MAP4K4: variants seen among roughly 807,000 people sequenced by gnomAD.
The protein encoded by MAP4K4 is HPK/GCK-like kinase HGK.
Under a neutral mutation model 189.6 loss-of-function variants are expected in MAP4K4, and 38 were observed. The observed-to-expected ratio is 0.20, with a 90% CI of 0.15 to 0.26. The LOEUF is 0.26. Ranked by LOEUF, MAP4K4 falls within the 10% of genes least tolerant of loss-of-function variation. The pLI is 1.00. For missense variants in MAP4K4, 1,054 were observed against 1,726.9 expected (o/e 0.61, Z 6.91); for synonymous variants, 610 against 624.3 (o/e 0.98, Z 0.34).
At chr2:101,698,057 GT>G (rs780774309) in exon 1 of MAP4K4, 58 of 1,314,910 alleles carry the variant, frequency 4.4e-5, no homozygotes, top group Admixed American at 8.8e-5. Context: ...ATTGTTATTT[GT>G]TTTTTGGTGG....
At chr2:101,890,761 T>C (rs2098554346) in intron 32 of MAP4K4, among the ~76,000 whole-genome samples, 2 of 151,512 alleles carry the variant, frequency 1.3e-5, no homozygotes, top group African/African-American at 4.9e-5. Flanking sequence ...AGCCTTTTTA[T>C]TTATTTATTT....
intron 21 of MAP4K4, 36 bp downstream of exon 21, chr2:101,868,073 A>T: frequency 6.2e-7 from 1 of 1,607,424 alleles, no homozygotes; most frequent in Non-Finnish European, 8.5e-7. Context: ...ACTTCAGAGC[A>T]GCACTCCGAC....
rs747932870 is a variant in MAP4K4, at chr2:101,736,642, A to G, written c.123+38104A>G. Reference sequence around the variant, plus strand: ...TCTGTCATTCAAAAATGTTATATTCAGTATATTTTTTTCTGATTGTCCTGT... The same window carrying G: ...TCTGTCATTCAAAAATGTTATATTCGGTATATTTTTTTCTGATTGTCCTGT... On this transcript the variant is annotated intron_variant, in intron 2 of 32. Coordinates refer to ENST00000324219, the Ensembl canonical transcript of MAP4K4. 3.5e-4 allele frequency among the ~76,000 whole-genome samples: 54 copies of G among 152,154 alleles called. 1 individual carries two copies. The highest frequency in any genetic ancestry group is 1.4e-3 in the Admixed American group (21 of 15,276).
chr2:101,879,195 CAAAAAAAAAA>C (rs61482872), intron 27 of MAP4K4, among the ~76,000 whole-genome samples: 3 of 67,414 alleles, frequency 4.5e-5, no homozygotes, highest in Non-Finnish European at 5.3e-5. Flanking sequence ...AGCCTGTCTC[CAAAAAAAAAA>C]AAAAAAAAAA....
At chr2:101,818,624 T>C (rs1268201853) in intron 3 of MAP4K4, among the ~76,000 whole-genome samples, 1 of 152,198 alleles carries the variant, frequency 6.6e-6, no homozygotes, top group African/African-American at 2.4e-5. Context: ...AAAACACTCA[T>C]ACCATGCACT....
chr2:101,735,016 C>T (rs944177924), intron 2 of MAP4K4, among the ~76,000 whole-genome samples: 3 of 152,144 alleles, frequency 2.0e-5, no homozygotes, highest in African/African-American at 7.2e-5. Flanking sequence ...TGAAAATGCA[C>T]CAGACTGAAA....
At chr2:101,873,280 G>A (rs965579256) in intron 24 of MAP4K4, among the ~76,000 whole-genome samples, 5 of 152,222 alleles carry the variant, frequency 3.3e-5, no homozygotes, top group Non-Finnish European at 7.3e-5. Context: ...AAATTCAGAA[G>A]TTGGTGAATT....
chr2:101,867,092 A>C, intron 19 of MAP4K4, 120 bp from the exon 20 acceptor site: 1 of 627,392 alleles, frequency 1.6e-6, no homozygotes, highest in Non-Finnish European at 2.8e-6. Flanking sequence ...TCAGACCTGC[A>C]GGTGGAGAGC....
At chr2:101,879,950 C>T (rs752587064) in intron 27 of MAP4K4, among the ~76,000 whole-genome samples, 13 of 151,388 alleles carry the variant, frequency 8.6e-5, no homozygotes, top group Non-Finnish European at 1.8e-4. Context: ...TTGCAATTTC[C>T]TAATGATGTA....
intron 2 of MAP4K4, among the ~76,000 whole-genome samples, chr2:101,708,177 T>G (rs915876998): frequency 6.6e-6 from 1 of 152,192 alleles, no homozygotes; most frequent in African/African-American, 2.4e-5. Context: ...TATTCTTTTG[T>G]TTACTTTAAA....
chr2:101,866,318 T>A, intron 18 of MAP4K4, 110 bp from the exon 19 acceptor site: 1 of 942,426 alleles, frequency 1.1e-6, no homozygotes, highest in Non-Finnish European at 1.6e-6. Context: ...CTGTTTTTTG[T>A]CTCCCTACAC....
chr2:101,871,694 C>T lies in MAP4K4; in HGVS notation c.2952+9C>T, dbSNP rs1418178655. On this transcript the variant is annotated intron_variant, in intron 24 of 32. Transcript: ENST00000324219. ...AGCTCACTGCTAATGAGGTATGTCTCGCACCACAGCTGGCTGCTTTCCTGG... is the reference window on the plus strand; with the variant it reads ...AGCTCACTGCTAATGAGGTATGTCTTGCACCACAGCTGGCTGCTTTCCTGG... The T allele has an allele frequency of 1.1e-5, 17 of 1,534,680 alleles. No individual in the cohort carries two copies. Among genetic ancestry groups the T allele is most frequent in the East Asian group, 2.4e-5 (1 of 40,850 alleles).
intron 2 of MAP4K4, among the ~76,000 whole-genome samples, chr2:101,780,987 A>C (rs1332442515): frequency 2.0e-5 from 3 of 152,224 alleles, no homozygotes; most frequent in Non-Finnish European, 2.9e-5. Context: ...GTCTTTAGCC[A>C]GTTGGGTTTT....
At chr2:101,772,561 G>T (rs948915650) in intron 2 of MAP4K4, among the ~76,000 whole-genome samples, 1 of 152,162 alleles carries the variant, frequency 6.6e-6, no homozygotes, top group Admixed American at 6.5e-5. Context: ...ACCCAAGAAA[G>T]GATGAGAAAG....
chr2:101,771,647 T>C (rs1428563302), intron 2 of MAP4K4, among the ~76,000 whole-genome samples: 1 of 152,208 alleles, frequency 6.6e-6, no homozygotes, highest in African/African-American at 2.4e-5. Context: ...TATTCTTAAG[T>C]GCACGGAGGC....
chr2:101,751,162 A>G (rs974183570), intron 2 of MAP4K4, among the ~76,000 whole-genome samples: 29 of 152,198 alleles, frequency 1.9e-4, no homozygotes, highest in Admixed American at 1.6e-3. Flanking sequence ...GCATTTTTGT[A>G]AAGAATTCAG....
At chr2:101,704,856 C>CT (rs2041440512) in intron 2 of MAP4K4, among the ~76,000 whole-genome samples, 1 of 151,804 alleles carries the variant, frequency 6.6e-6, no homozygotes, top group Admixed American at 6.6e-5. Context: ...CCAAGGTAAT[C>CT]TTATATTTAT....
chr2:101,811,310 G>T (rs1469823071), intron 3 of MAP4K4, among the ~76,000 whole-genome samples: 1 of 145,178 alleles, frequency 6.9e-6, no homozygotes, highest in Non-Finnish European at 1.5e-5. Context: ...GGCAGAGGTT[G>T]CAGTGAGCCG....
intron 12 of MAP4K4, among the ~76,000 whole-genome samples, chr2:101,854,573 T>C (rs1399453432): frequency 6.6e-6 from 1 of 152,228 alleles, no homozygotes; most frequent in Non-Finnish European, 1.5e-5. Context: ...TATCCAGTTA[T>C]TCCAGATGAA....
Sources: gnomAD v4.1 joint callset for allele counts (sites outside exome capture counted in the v4.1 genomes callset) on GRCh38, gnomAD v4.1.1 for gene constraint, MANE v1.5 for transcripts, NCBI Gene and HGNC (gene_info 2026-07-23, HGNC 2026-07-21) for gene names.